CACNA2D3: variants seen among roughly 807,000 people sequenced by gnomAD.
The protein encoded by CACNA2D3 is voltage-dependent calcium channel subunit alpha-2/delta-3.
Under a neutral mutation model 160.6 loss-of-function variants are expected in CACNA2D3, and 60 were observed. That is an observed-to-expected ratio of 0.37 (90% confidence interval 0.30 to 0.46). The LOEUF (loss-of-function observed/expected upper bound fraction) is 0.46, where lower values mean the gene tolerates loss of function less well. Among genes scored for constraint, CACNA2D3 ranks in the 20% least tolerant of loss-of-function variants. CACNA2D3 has a pLI of 1.00. For synonymous variants in CACNA2D3, 558 were observed against 492.9 expected (o/e 1.13, Z -1.75); for missense variants, 1,205 against 1,365.0 (o/e 0.88, Z 1.85).
intron 27 of CACNA2D3, among the ~76,000 whole-genome samples, chr3:54,932,170 C>A (rs760125067): frequency 3.3e-5 from 5 of 151,984 alleles, no homozygotes; most frequent in Non-Finnish European, 5.9e-5. Flanking sequence ...CAGAGTGAGA[C>A]CCTGTCTCAA....
intron 2 of CACNA2D3, among the ~76,000 whole-genome samples, chr3:54,319,330 T>G (rs1436085006): frequency 6.6e-6 from 1 of 152,112 alleles, no homozygotes; most frequent in Non-Finnish European, 1.5e-5. Context: ...ATGTAATACA[T>G]TTTCCTTTTC....
At chr3:54,290,262 C>T (rs923675599) in intron 2 of CACNA2D3, among the ~76,000 whole-genome samples, 1 of 152,110 alleles carries the variant, frequency 6.6e-6, no homozygotes, top group Admixed American at 6.6e-5. Flanking sequence ...ATGAACAGAC[C>T]CTTCTGAAAA....
chr3:54,673,952 A>C (rs761491139), intron 11 of CACNA2D3, among the ~76,000 whole-genome samples: 3 of 152,198 alleles, frequency 2.0e-5, no homozygotes, highest in Non-Finnish European at 4.4e-5. Flanking sequence ...TCTAGACTTA[A>C]ACCGCCGGCA....
At chr3:54,477,622 C>T (rs116304246) in intron 4 of CACNA2D3, among the ~76,000 whole-genome samples, 319 of 152,284 alleles carry the variant, frequency 2.1e-3, no homozygotes, top group African/African-American at 7.3e-3. Context: ...CCATTTCTCT[C>T]CACCTCCAAG....
chr3:54,870,157 TGG>T (rs762420975), intron 17 of CACNA2D3, among the ~76,000 whole-genome samples: 1 of 152,150 alleles, frequency 6.6e-6, no homozygotes, highest in Non-Finnish European at 1.5e-5. Context: ...TGGCCCTGTT[TGG>T]CACCACAGTG....
chr3:54,289,940 A>G (rs1463217456), intron 2 of CACNA2D3, among the ~76,000 whole-genome samples: 1 of 150,936 alleles, frequency 6.6e-6, no homozygotes, highest in African/African-American at 2.4e-5. Context: ...TGTTAGACCT[A>G]AAACCATAAA....
chr3:54,831,044 A>G (rs941615505), intron 14 of CACNA2D3, among the ~76,000 whole-genome samples: 9 of 152,156 alleles, frequency 5.9e-5, no homozygotes, highest in South Asian at 2.1e-4. Context: ...ATGTTGATCA[A>G]TGTTAATAAT....
At chr3:54,619,105 G>T (rs773777676) in intron 9 of CACNA2D3, among the ~76,000 whole-genome samples, 1 of 152,218 alleles carries the variant, frequency 6.6e-6, no homozygotes, top group Admixed American at 6.5e-5. Context: ...CACAACACAG[G>T]CGTCCTGTCC....
chr3:54,322,609 A>G (rs891570865), intron 3 of CACNA2D3, among the ~76,000 whole-genome samples: 1 of 152,150 alleles, frequency 6.6e-6, no homozygotes, highest in Non-Finnish European at 1.5e-5. Context: ...TAAGGTGTTT[A>G]TTTAGCTCAG....
intron 31 of CACNA2D3, among the ~76,000 whole-genome samples, chr3:54,988,352 A>G (rs1702663235): frequency 6.6e-6 from 1 of 152,158 alleles, no homozygotes; most frequent in African/African-American, 2.4e-5. Flanking sequence ...GCTTGTGTAG[A>G]GCAGCTTCCT....
rs374127721 is a variant in CACNA2D3 at position 54,656,396 on chromosome 3, G to A, written c.1167+14155G>A. ...ACTGGCTGGGACCCCAGTGAATGGC[G>A]GTCCCCTCCAACAGAGGCTGCTGGT... On this transcript the variant is annotated intron_variant, in intron 11 of 37. Coordinates refer to ENST00000474759, the MANE Select transcript of CACNA2D3 (RefSeq NM_018398.3). Among the ~76,000 whole-genome samples the A allele has an allele frequency of 1.6e-3, 245 of 152,322 alleles. 3 individuals are homozygous for A. The highest frequency in any genetic ancestry group is 5.5e-3 in the African/African-American group (228 of 41,566).
In CACNA2D3 at chr3:54,163,529, G is replaced by T. The variant is rs930186125; in HGVS notation, c.204+39935G>T. Among the ~76,000 whole-genome samples, 7 of 152,296 alleles carry T rather than the reference G, an allele frequency of 4.6e-5. No individual in the cohort carries two copies. In the East Asian group the frequency reaches 1.4e-3, roughly 29 times the overall value. On this transcript the variant is annotated intron_variant, in intron 2 of 37. Transcript: ENST00000474759. ...TTTTGAAGTGCATGTTTCACTTCCT[G>T]CTCGCGTTTCATTAGTGAAAATAAG...
At chr3:54,577,797 A>G (rs1702610601) in intron 8 of CACNA2D3, among the ~76,000 whole-genome samples, 1 of 152,198 alleles carries the variant, frequency 6.6e-6, no homozygotes, top group Non-Finnish European at 1.5e-5. Flanking sequence ...AAGCTCACCC[A>G]GCTAGTGTGT....
intron 4 of CACNA2D3, among the ~76,000 whole-genome samples, chr3:54,404,533 A>G (rs1457763932): frequency 1.3e-5 from 2 of 152,186 alleles, no homozygotes; most frequent in African/African-American, 4.8e-5. Context: ...ATCATAATCA[A>G]TGAGGAGAAA....
In CACNA2D3 at chr3:54,816,884, T is replaced by A; in HGVS notation, c.1398+14T>A. 1.2e-6 allele frequency: 2 copies of A among 1,613,834 alleles called. No individual in the cohort carries two copies. Among genetic ancestry groups the A allele is most frequent in the Non-Finnish European group, 1.7e-6 (2 of 1,179,838 alleles). On this transcript the variant is annotated intron_variant, in intron 14 of 37. Transcript: ENST00000474759. ...CAGGCACAAAAGGTAAATTCTCTTC[T>A]GTCACATTCCAGTCACCCCCAGAAC...
At chr3:54,474,673 G>T (rs1405676935) in intron 4 of CACNA2D3, among the ~76,000 whole-genome samples, 1 of 152,024 alleles carries the variant, frequency 6.6e-6, no homozygotes, top group Non-Finnish European at 1.5e-5. Flanking sequence ...AGAAATAAGA[G>T]AAAGAAGGGG....
In CACNA2D3 at chr3:54,180,625, A is replaced by T. The variant is rs115683606; in HGVS notation, c.204+57031A>T. ...CCAGCCACTGCCCCCAGCCCCAATC[A>T]TTGTTGGTAGCTATATATGTAGTTT... On this transcript the variant is annotated intron_variant, in intron 2 of 37. Transcript: ENST00000474759. Among the ~76,000 whole-genome samples the T allele has an allele frequency of 5.3e-3, 806 of 152,176 alleles. 9 individuals carry two copies. The highest frequency in any genetic ancestry group is 0.018 in the African/African-American group (760 of 41,532).
intron 27 of CACNA2D3, among the ~76,000 whole-genome samples, chr3:54,964,491 AG>A (rs1208258350): frequency 6.6e-6 from 1 of 152,144 alleles, no homozygotes; most frequent in African/African-American, 2.4e-5. Flanking sequence ...TAAATTAGCA[AG>A]ACTGACTTAA....
intron 11 of CACNA2D3, among the ~76,000 whole-genome samples, chr3:54,674,623 A>G (rs557227865): frequency 1.4e-3 from 217 of 152,258 alleles, no homozygotes; most frequent in African/African-American, 5.0e-3. Flanking sequence ...TTGGGGTTCA[A>G]GTTGGTTGGA....
Sources: gnomAD v4.1 joint callset for allele counts (sites outside exome capture counted in the v4.1 genomes callset) on GRCh38, gnomAD v4.1.1 for gene constraint, MANE v1.5 for transcripts, NCBI Gene and HGNC (gene_info 2026-07-23, HGNC 2026-07-21) for gene names.